The following ZBTB7C variants were observed in gnomAD, a reference collection of about 807,000 sequenced individuals.
The protein encoded by ZBTB7C is zinc finger and BTB domain containing 7C, also known as zinc finger and BTB domain-containing protein 7C.
A neutral mutation model predicts 25.7 loss-of-function variants in ZBTB7C; 8 were observed. That is an observed-to-expected ratio of 0.31 (90% CI 0.18 to 0.56). The LOEUF (loss-of-function observed/expected upper bound fraction) is 0.56. Ranked by LOEUF, ZBTB7C falls within the 20% of genes least tolerant of loss-of-function variation. ZBTB7C has a pLI of 0.91. For missense variants in ZBTB7C, 824 were observed against 855.2 expected, an observed-to-expected ratio of 0.96 and a Z score of 0.46; for synonymous variants, 394 against 369.0, an observed-to-expected ratio of 1.07 and a Z score of -0.78.
chr18:48,340,628 C>CTACA (rs2046577625), intron 1 of ZBTB7C, among the ~76,000 whole-genome samples: 1 of 151,448 alleles, frequency 6.6e-6, no homozygotes. Flanking sequence ...AGGCAAACAG[C>CTACA]TACAGCACAT....
chr18:48,052,061 T>C (rs1446153749), intron 3 of ZBTB7C, among the ~76,000 whole-genome samples: 1 of 152,216 alleles, frequency 6.6e-6, no homozygotes, highest in Non-Finnish European at 1.5e-5. Context: ...TTATTAAACC[T>C]TATTAAACCA....
At position 48,066,963 on chromosome 18, in the gene ZBTB7C, G is replaced by A. The variant is rs546505791; in HGVS notation, c.-16-25840C>T. 1.6e-4 allele frequency among the ~76,000 whole-genome samples: 24 copies of A among 152,264 alleles called. No individual in the cohort carries two copies. In the South Asian group the frequency reaches 1.9e-3, roughly 12 times the overall value. ...CTAAAAATACAAAAATTAGCCGGGC[G>A]TGGTGGTGTGTGCCTGTAGTCCCAG... On this transcript the variant is annotated intron_variant, in intron 3 of 4. Transcript: ENST00000590800.
chr18:48,035,166 G>A (rs114028618), intron 4 of ZBTB7C, among the ~76,000 whole-genome samples: 10 of 152,364 alleles, frequency 6.6e-5, no homozygotes, highest in African/African-American at 2.2e-4. Context: ...GTCAGCATTC[G>A]GCTGGCACTG....
chr18:48,367,892 G>A (rs914618833), intron 1 of ZBTB7C, among the ~76,000 whole-genome samples: 1 of 151,814 alleles, frequency 6.6e-6, no homozygotes, highest in Non-Finnish European at 1.5e-5. Flanking sequence ...GGTATCCATG[G>A]AGGGAGAGTG....
chr18:48,089,724 C>T (rs1163527960), intron 3 of ZBTB7C, among the ~76,000 whole-genome samples: 1 of 152,116 alleles, frequency 6.6e-6, no homozygotes, highest in Non-Finnish European at 1.5e-5. Context: ...TCAAGGGCCA[C>T]ACTTTGAGGT....
intron 1 of ZBTB7C, among the ~76,000 whole-genome samples, chr18:48,367,488 T>C (rs1461514092): frequency 6.6e-6 from 1 of 150,624 alleles, no homozygotes; most frequent in Non-Finnish European, 1.5e-5. Flanking sequence ...GTCTCATTTA[T>C]CCCAGACTTG....
Position 48,058,674 on chromosome 18 carries a change from C to T in ZBTB7C, c.-16-17551G>A, listed in dbSNP as rs376822793. On this transcript the variant is annotated intron_variant, in intron 3 of 4. Coordinates refer to ENST00000590800, the MANE Select transcript of ZBTB7C (RefSeq NM_001318841.2). ...ATCCTCACCTCGTGGTATTCATGCC[C>T]CGTGCAGTCCCCTCCTGCATTGTAT... Among the ~76,000 whole-genome samples the T allele has an allele frequency of 3.9e-5, 6 of 152,338 alleles. No homozygotes were observed. In the East Asian group the frequency reaches 5.8e-4, roughly 15 times the overall value.
intron 2 of ZBTB7C, among the ~76,000 whole-genome samples, chr18:48,228,311 G>A (rs1599144964): frequency 6.6e-6 from 1 of 152,150 alleles, no homozygotes; most frequent in African/African-American, 2.4e-5. Flanking sequence ...TGCTGGTTCT[G>A]ACCACAGATG....
chr18:48,161,329 T>C (rs1341341497), intron 3 of ZBTB7C, among the ~76,000 whole-genome samples: 1 of 150,086 alleles, frequency 6.7e-6, no homozygotes, highest in African/African-American at 2.5e-5. Flanking sequence ...TCCCTTTGGC[T>C]AACCGATCCC....
At chr18:48,288,961 T>C (rs943806073) in intron 2 of ZBTB7C, among the ~76,000 whole-genome samples, 1 of 152,214 alleles carries the variant, frequency 6.6e-6, no homozygotes, top group Admixed American at 6.5e-5. Context: ...AATAAAATAC[T>C]TTCAAAAATA....
intron 1 of ZBTB7C, among the ~76,000 whole-genome samples, chr18:48,388,404 T>G (rs1285237449): frequency 6.6e-6 from 1 of 152,180 alleles, no homozygotes; most frequent in East Asian, 1.9e-4. Flanking sequence ...GTCCTATGTT[T>G]CCCGCAGACT....
intron 3 of ZBTB7C, among the ~76,000 whole-genome samples, chr18:48,169,534 T>C (rs1355222663): frequency 6.6e-6 from 1 of 152,180 alleles, no homozygotes; most frequent in African/African-American, 2.4e-5. Flanking sequence ...AAGGAAACTA[T>C]GGATGAGGGA....
chr18:48,183,785 G>A (rs1223493919), intron 3 of ZBTB7C, among the ~76,000 whole-genome samples: 1 of 152,138 alleles, frequency 6.6e-6, no homozygotes, highest in African/African-American at 2.4e-5. Context: ...CACTCTGGGG[G>A]CAGCTGCTGA....
intron 2 of ZBTB7C, among the ~76,000 whole-genome samples, chr18:48,222,748 T>G (rs2042993743): frequency 6.6e-6 from 1 of 152,152 alleles, no homozygotes; most frequent in Admixed American, 6.5e-5. Flanking sequence ...TATCACAATT[T>G]ACAAGCAGGT....
intron 3 of ZBTB7C, among the ~76,000 whole-genome samples, chr18:48,146,478 C>T (rs922211382): frequency 6.6e-6 from 1 of 151,878 alleles, no homozygotes; most frequent in African/African-American, 2.4e-5. Flanking sequence ...CTTTTTTTTG[C>T]CACCTGAAGA....
At chr18:48,397,743 A>C (rs1490591390) in intron 1 of ZBTB7C, among the ~76,000 whole-genome samples, 3 of 152,168 alleles carry the variant, frequency 2.0e-5, no homozygotes, top group South Asian at 4.1e-4. Flanking sequence ...TACAAGCTAC[A>C]CTATGTCATT....
Position 48,085,400 on chromosome 18 carries a change from A to T in ZBTB7C, c.-16-44277T>A, listed in dbSNP as rs553726205. On this transcript the variant is annotated intron_variant, in intron 3 of 4. Coordinates refer to ENST00000590800, the MANE Select transcript of ZBTB7C (RefSeq NM_001318841.2). Reference sequence around the variant, plus strand: ...CACTAGAGACGTTTGTCACAGGCTCAAATAAGACATGATTTTTTTCTGCCT... The same window carrying T: ...CACTAGAGACGTTTGTCACAGGCTCTAATAAGACATGATTTTTTTCTGCCT... Among the ~76,000 whole-genome samples, 3 of 152,334 alleles carry T rather than the reference A, an allele frequency of 2.0e-5. No individual in the cohort carries two copies. In the East Asian group the frequency reaches 5.8e-4, roughly 29 times the overall value.
At chr18:48,282,744 A>G (rs549428034) in intron 2 of ZBTB7C, among the ~76,000 whole-genome samples, 20 of 152,374 alleles carry the variant, frequency 1.3e-4, no homozygotes, top group African/African-American at 4.8e-4. Flanking sequence ...AAAATAAGGC[A>G]GACACTGAAG....
chr18:48,198,559 T>C (rs1426477123), intron 2 of ZBTB7C, among the ~76,000 whole-genome samples: 1 of 152,194 alleles, frequency 6.6e-6, no homozygotes, highest in Non-Finnish European at 1.5e-5. Context: ...CCACATTCCA[T>C]GGCTCAGAGT....
Sources: gnomAD v4.1 joint callset for allele counts (sites outside exome capture counted in the v4.1 genomes callset) on GRCh38, gnomAD v4.1.1 for gene constraint, MANE v1.5 for transcripts, NCBI Gene and HGNC (gene_info 2026-07-23, HGNC 2026-07-21) for gene names.